Variants in CCDC60 observed in about 807,000 individuals in gnomAD.
The protein encoded by CCDC60 is coiled-coil domain-containing protein 60.
CCDC60 carries 54 observed loss-of-function variants against 63.5 expected under a neutral mutation model. The observed-to-expected ratio is 0.85, with a 90% CI of 0.68 to 1.07. The LOEUF is 1.07. Among genes scored for constraint, CCDC60 ranks in the 50% least tolerant of loss-of-function variants. The probability of loss-of-function intolerance (pLI) is 0.00; values close to 1 mark genes in which losing one functional copy is unlikely to be tolerated. For synonymous variants in CCDC60, 206 were observed against 238.8 expected, an observed-to-expected ratio of 0.86 and a Z score of 1.27; for missense variants, 651 against 684.3, an observed-to-expected ratio of 0.95 and a Z score of 0.54.
intron 1 of CCDC60, among the ~76,000 whole-genome samples, chr12:119,376,552 T>TAGGAAATGAAGCTTGC (rs1321571605): frequency 3.6e-4 from 54 of 152,106 alleles, no homozygotes; most frequent in African/African-American, 1.1e-3. Flanking sequence ...CGCTTGAACC[T>TAGGAAATGAAGCTTGC]AGGAAATGAA....
In CCDC60 at chr12:119,523,813, C is replaced by T. The variant is rs1300420974; in HGVS notation, c.1224C>T (p.Leu408=). 1 of 1,614,080 alleles carries T rather than the reference C, an allele frequency of 6.2e-7. No individual in the cohort carries two copies. The highest frequency in any genetic ancestry group is 1.3e-5 in the African/African-American group (1 of 75,062). ...GCCTGCAGGACAAGATGGAAATCCT[C>T]ATGAAGTAAGCGCACATATATATCC... is the stretch of plus-strand genomic sequence containing the variant. ...GFCLQDKMEI[L]MKRQEERGIQ... The change falls in exon 11 of 14, where the codon CTC becomes CTT. Residue 408 remains leucine, a synonymous_variant. Transcript: ENST00000327554.
chr12:119,365,263 G>A (rs1297636928), intron 1 of CCDC60, among the ~76,000 whole-genome samples: 1 of 152,074 alleles, frequency 6.6e-6, no homozygotes, highest in Non-Finnish European at 1.5e-5. Context: ...CAAAGGAGAT[G>A]GAACAAAAGG....
intron 5 of CCDC60, 150 bp from the exon 6 acceptor site, chr12:119,499,928 C>A: frequency 1.5e-6 from 1 of 677,588 alleles, no homozygotes; most frequent in South Asian, 1.8e-5. Context: ...AGAACTATCC[C>A]CCCCATTTCT....
intron 1 of CCDC60, among the ~76,000 whole-genome samples, chr12:119,365,841 G>A: frequency 6.6e-6 from 1 of 152,164 alleles, no homozygotes; most frequent in East Asian, 1.9e-4. Flanking sequence ...GAGACACACA[G>A]GCAGGTGCCT....
In CCDC60 at chr12:119,523,758, T is replaced by C; in HGVS notation, c.1169T>C (p.Phe390Ser). 6.2e-7 allele frequency: 1 copy of C among 1,614,182 alleles called. No homozygotes were observed. The highest frequency in any genetic ancestry group is 1.3e-5 in the African/African-American group (1 of 75,056). Residue 390 changes from phenylalanine (F) to serine (S), a missense_variant, in exon 11 of 14, where the codon TTT becomes TCT. Coordinates refer to ENST00000327554, the MANE Select transcript of CCDC60 (RefSeq NM_178499.5). ...SGVCNTMRAK[F>S]YSVAQEAGFC... ...GTGTGTAACACCATGAGGGCCAAGT[T>C]TTACAGCGTAGCCCAGGAGGCTGGC...
At chr12:119,523,948 C>G in intron 11 of CCDC60, 130 bp downstream of exon 11, 1 of 911,796 alleles carries the variant, frequency 1.1e-6, no homozygotes, top group African/African-American at 1.7e-5. Context: ...AGGGAGCTCA[C>G]AGTCTTCTGG....
chr12:119,474,171 T>C (rs1169839403), intron 3 of CCDC60, among the ~76,000 whole-genome samples: 1 of 152,172 alleles, frequency 6.6e-6, no homozygotes, highest in Non-Finnish European at 1.5e-5. Flanking sequence ...AGAACGGCCA[T>C]AATATAAAAA....
intron 3 of CCDC60, among the ~76,000 whole-genome samples, chr12:119,478,852 G>A (rs1001028886): frequency 4.0e-5 from 6 of 151,856 alleles, no homozygotes; most frequent in African/African-American, 1.2e-4. Flanking sequence ...TGATCCACCC[G>A]CCTCGGCCTC....
chr12:119,513,821 G>A (rs930589900), intron 7 of CCDC60, among the ~76,000 whole-genome samples: 3 of 152,172 alleles, frequency 2.0e-5, no homozygotes, highest in African/African-American at 7.2e-5. Context: ...GCATATAAAA[G>A]TATAACACAA....
At chr12:119,366,088 TAAG>T (rs1251834602) in intron 1 of CCDC60, among the ~76,000 whole-genome samples, 2 of 152,188 alleles carry the variant, frequency 1.3e-5, no homozygotes, top group Admixed American at 1.3e-4. Flanking sequence ...CACACTGTGC[TAAG>T]ATGCTTCACA....
At chr12:119,519,914 C>A (rs146488208) in intron 8 of CCDC60, among the ~76,000 whole-genome samples, 20 of 151,784 alleles carry the variant, frequency 1.3e-4, no homozygotes, top group African/African-American at 4.3e-4. Context: ...GCTTCTGGGG[C>A]CCCCCTCCAG....
At chr12:119,363,972 T>C (rs1333764827) in intron 1 of CCDC60, among the ~76,000 whole-genome samples, 1 of 152,220 alleles carries the variant, frequency 6.6e-6, no homozygotes, top group African/African-American at 2.4e-5. Flanking sequence ...CTCTTCACTC[T>C]CTGAAATTTT....
intron 1 of CCDC60, among the ~76,000 whole-genome samples, chr12:119,360,955 G>A (rs949279500): frequency 1.6e-4 from 24 of 152,134 alleles, no homozygotes; most frequent in Non-Finnish European, 2.2e-4. Context: ...CCAACACAAC[G>A]AAACCCCGTC....
At chr12:119,350,364 A>AT (rs1338818574) in intron 1 of CCDC60, among the ~76,000 whole-genome samples, 1 of 151,654 alleles carries the variant, frequency 6.6e-6, no homozygotes, top group Non-Finnish European at 1.5e-5. Context: ...CACCCAGCTA[A>AT]TTTTTTTGTA....
intron 4 of CCDC60, among the ~76,000 whole-genome samples, chr12:119,484,156 A>AT (rs1237137428): frequency 6.6e-6 from 1 of 152,124 alleles, no homozygotes; most frequent in East Asian, 1.9e-4. Flanking sequence ...CAACTCTGCC[A>AT]TTTGCTGTCT....
At chr12:119,466,986 G>T (rs781076384) in intron 2 of CCDC60, among the ~76,000 whole-genome samples, 2 of 152,132 alleles carry the variant, frequency 1.3e-5, no homozygotes, top group Non-Finnish European at 2.9e-5. Flanking sequence ...CCCTTTCTAT[G>T]GCAATGACAC....
intron 1 of CCDC60, among the ~76,000 whole-genome samples, chr12:119,365,517 T>TG (rs921157279): frequency 3.3e-5 from 5 of 152,200 alleles, no homozygotes; most frequent in African/African-American, 1.2e-4. Flanking sequence ...TTTGTGTGTG[T>TG]GTGTGTGTTT....
Position 119,524,721 on chromosome 12 carries a change from C to CTTTTTTTTTTTTTTTTTTTTTTTTTTT in CCDC60, c.1229+922_1229+923insTTTTTTTTTTTTTTTTTTTTTTTTTTT, listed in dbSNP as rs55694840. Among the ~76,000 whole-genome samples the CTTTTTTTTTTTTTTTTTTTTTTTTTTT allele has an allele frequency of 1.7e-3, 172 of 99,006 alleles. 3 individuals are homozygous for CTTTTTTTTTTTTTTTTTTTTTTTTTTT. The highest frequency in any genetic ancestry group is 2.8e-3 in the Admixed American group (25 of 8,904). The allele number at this position is 99,006 out of a possible 152,430, so 65.0% of individuals were successfully genotyped here. A position where few individuals can be genotyped will look rare whatever the true frequency, so the allele number is the denominator to read the frequency against. On this transcript the variant is annotated intron_variant, in intron 11 of 13. Transcript: ENST00000327554. ...ACAGCAGTTTCTTTTCTTTTCTTTT[C>CTTTTTTTTTTTTTTTTTTTTTTTTTTT]TTTTTTTTTTTTTTTTTTTGAGACA...
intron 9 of CCDC60, among the ~76,000 whole-genome samples, chr12:119,521,532 G>A (rs1952529959): frequency 6.6e-6 from 1 of 152,124 alleles, no homozygotes; most frequent in African/African-American, 2.4e-5. Context: ...GAAAAGGTGG[G>A]AATGCTGTTC....
Sources: gnomAD v4.1 joint callset for allele counts (sites outside exome capture counted in the v4.1 genomes callset) on GRCh38, gnomAD v4.1.1 for gene constraint, MANE v1.5 for transcripts, NCBI Gene and HGNC (gene_info 2026-07-23, HGNC 2026-07-21) for gene names.